The following PPM1L variants were observed in gnomAD, a reference collection of about 807,000 sequenced individuals.
PPM1L encodes the protein protein phosphatase, Mg2+/Mn2+ dependent 1L.
PPM1L carries 13 observed loss-of-function variants against 31.4 expected under a neutral mutation model. The observed-to-expected ratio is 0.41, with a 90% CI of 0.27 to 0.66. The LOEUF (loss-of-function observed/expected upper bound fraction) is 0.66, where lower values mean the gene tolerates loss of function less well. Ranked by LOEUF, PPM1L falls within the 30% of genes least tolerant of loss-of-function variation. The pLI is 0.29. For synonymous variants in PPM1L, 184 were observed against 175.4 expected, an observed-to-expected ratio of 1.05 and a Z score of -0.39; for missense variants, 326 against 453.7, an observed-to-expected ratio of 0.72 and a Z score of 2.56.
intron 2 of PPM1L, among the ~76,000 whole-genome samples, chr3:161,056,785 G>A (rs1016969554): frequency 2.0e-5 from 3 of 152,210 alleles, no homozygotes; most frequent in Admixed American, 2.0e-4. Context: ...GCAATGGGCC[G>A]GCACGTTGGC....
Position 160,843,446 on chromosome 3 carries a change from A to ATATATATCTATATATATATC in PPM1L, c.399+86746_399+86747insCTATATATATATCTATATAT. On this transcript the variant is annotated intron_variant, in intron 1 of 3. Coordinates refer to ENST00000498165, the MANE Select transcript of PPM1L (RefSeq NM_139245.4). ...TTCTTTTATATATATATATATATATATATATATATATATATATATATATGT... is the reference window on the plus strand; with the variant it reads ...TTCTTTTATATATATATATATATATATATATATCTATATATATATCTATATATATATATATATATATATGT... Among the ~76,000 whole-genome samples, 2 of 109,782 alleles carry ATATATATCTATATATATATC rather than the reference A, an allele frequency of 1.8e-5. 1 individual carries two copies. The highest frequency in any genetic ancestry group is 5.3e-4 in the East Asian group (2 of 3,752). 72.0% of individuals were successfully genotyped at this position (109,782 alleles called of 152,430 possible).
intron 1 of PPM1L, among the ~76,000 whole-genome samples, chr3:160,821,862 T>A (rs979225159): frequency 6.6e-6 from 1 of 151,604 alleles, no homozygotes; most frequent in African/African-American, 2.4e-5. Context: ...TTAAAAAAAA[T>A]TAGTAATGGT....
At chr3:160,836,316 AAGAGAG>A (rs113812255) in intron 1 of PPM1L, among the ~76,000 whole-genome samples, 2,039 of 147,702 alleles carry the variant, frequency 0.014, 33 homozygotes, top group African/African-American at 0.045. Flanking sequence ...GAAGGAAAGG[AAGAGAG>A]AGAGAGAGAG....
At chr3:161,019,854 G>A (rs1324736757) in intron 2 of PPM1L, among the ~76,000 whole-genome samples, 1 of 152,146 alleles carries the variant, frequency 6.6e-6, no homozygotes, top group Non-Finnish European at 1.5e-5. Context: ...TGCTGGGCAT[G>A]GTGGCTCATG....
chr3:161,041,921 A>C (rs1718921620), intron 2 of PPM1L, among the ~76,000 whole-genome samples: 1 of 152,244 alleles, frequency 6.6e-6, no homozygotes, highest in African/African-American at 2.4e-5. Context: ...GAGACGTACT[A>C]GTCATCATCA....
intron 2 of PPM1L, among the ~76,000 whole-genome samples, chr3:161,026,418 G>A (rs939013173): frequency 2.0e-5 from 3 of 152,190 alleles, no homozygotes; most frequent in African/African-American, 7.2e-5. Flanking sequence ...GTTGACGGCC[G>A]GGCGTGGTGG....
chr3:160,870,822 T>G (rs1219133325), intron 1 of PPM1L, among the ~76,000 whole-genome samples: 1 of 152,204 alleles, frequency 6.6e-6, no homozygotes. Context: ...AATATTTCAT[T>G]GAAATAAATG....
chr3:160,832,814 T>G (rs1266416371), intron 1 of PPM1L, among the ~76,000 whole-genome samples: 1 of 152,214 alleles, frequency 6.6e-6, no homozygotes, highest in Non-Finnish European at 1.5e-5. Context: ...GCAGGTTTGT[T>G]ACATATGTAA....
intron 1 of PPM1L, among the ~76,000 whole-genome samples, chr3:160,783,706 A>T (rs184975768): frequency 8.9e-4 from 135 of 152,244 alleles, no homozygotes; most frequent in African/African-American, 3.2e-3. Flanking sequence ...GACTTGATTG[A>T]CTAACAAAAG....
At chr3:160,938,116 G>A (rs1386134994) in intron 1 of PPM1L, among the ~76,000 whole-genome samples, 1 of 152,078 alleles carries the variant, frequency 6.6e-6, no homozygotes, top group Admixed American at 6.5e-5. Flanking sequence ...GTCACATTTG[G>A]TCTCATTTTT....
intron 1 of PPM1L, among the ~76,000 whole-genome samples, chr3:160,794,276 T>G (rs1167617853): frequency 6.6e-6 from 1 of 152,176 alleles, no homozygotes; most frequent in Non-Finnish European, 1.5e-5. Flanking sequence ...GTCGACCTAC[T>G]TAAAGATGAT....
chr3:161,051,992 C>CCG (rs1177997743), intron 2 of PPM1L, among the ~76,000 whole-genome samples: 1 of 152,130 alleles, frequency 6.6e-6, no homozygotes, highest in Non-Finnish European at 1.5e-5. Context: ...GTGTTATTGA[C>CCG]CTGGCATCTG....
intron 1 of PPM1L, among the ~76,000 whole-genome samples, chr3:160,778,812 GACTA>G (rs1033109384): frequency 1.2e-4 from 19 of 152,278 alleles, no homozygotes; most frequent in African/African-American, 4.6e-4. Flanking sequence ...CCAGGAATAG[GACTA>G]TTTCACAGAA....
At chr3:161,010,621 C>T (rs770572017) in intron 2 of PPM1L, among the ~76,000 whole-genome samples, 1 of 152,036 alleles carries the variant, frequency 6.6e-6, no homozygotes, top group Non-Finnish European at 1.5e-5. Flanking sequence ...AATGGTTGAA[C>T]TAGTTTACAG....
intron 2 of PPM1L, among the ~76,000 whole-genome samples, chr3:160,987,354 T>G (rs1249300830): frequency 6.6e-6 from 1 of 152,178 alleles, no homozygotes; most frequent in Non-Finnish European, 1.5e-5. Context: ...GCAGCCAGAT[T>G]CTAGTCTGAA....
At chr3:161,018,313 G>A (rs562352251) in intron 2 of PPM1L, among the ~76,000 whole-genome samples, 16 of 152,036 alleles carry the variant, frequency 1.1e-4, no homozygotes, top group Non-Finnish European at 1.5e-4. Context: ...AAATAAATTG[G>A]CCCTAAATAA....
At chr3:160,808,470 A>G (rs932908806) in intron 1 of PPM1L, among the ~76,000 whole-genome samples, 3 of 151,042 alleles carry the variant, frequency 2.0e-5, no homozygotes, top group Non-Finnish European at 4.4e-5. Context: ...TGCAGGTAAC[A>G]TGGTAGAGTC....
At chr3:160,873,352 C>G (rs1712386131) in intron 1 of PPM1L, among the ~76,000 whole-genome samples, 1 of 152,098 alleles carries the variant, frequency 6.6e-6, no homozygotes, top group Admixed American at 6.5e-5. Flanking sequence ...TGCTTATGTG[C>G]TAACCTGGAA....
chr3:160,817,377 G>A (rs1560115749), intron 1 of PPM1L, among the ~76,000 whole-genome samples: 2 of 152,058 alleles, frequency 1.3e-5, no homozygotes, highest in African/African-American at 2.4e-5. Context: ...GTTGAGATGT[G>A]AGGTAATGAA....
Sources: allele counts gnomAD v4.1 joint callset (sites outside exome capture counted in the v4.1 genomes callset), GRCh38; gene constraint gnomAD v4.1.1; transcripts MANE v1.5; gene names NCBI Gene and HGNC (gene_info 2026-07-23, HGNC 2026-07-21).